MAGI2: variants seen among roughly 807,000 people sequenced by gnomAD.
MAGI2 encodes membrane-associated guanylate kinase, WW and PDZ domain-containing protein 2.
In MAGI2, 35 loss-of-function variants were observed where a neutral mutation model predicts 133.3. The observed-to-expected ratio is 0.26, with a 90% CI of 0.20 to 0.35. The LOEUF (loss-of-function observed/expected upper bound fraction) is 0.35. MAGI2 is among the 10% of genes least tolerant of loss of function. MAGI2 has a pLI of 1.00. For synonymous variants in MAGI2, 729 were observed against 710.6 expected (o/e 1.03, Z -0.41); for missense variants, 1,636 against 1,863.4 (o/e 0.88, Z 2.25).
chr7:78,205,506 G>A (rs1159528337), intron 10 of MAGI2, among the ~76,000 whole-genome samples: 1 of 152,114 alleles, frequency 6.6e-6, no homozygotes, highest in Admixed American at 6.5e-5. Flanking sequence ...TTTGAATTTT[G>A]GAGAAAACAA....
chr7:79,128,393 C>T (rs1039101570), intron 1 of MAGI2, among the ~76,000 whole-genome samples: 18 of 152,178 alleles, frequency 1.2e-4, no homozygotes, highest in African/African-American at 3.9e-4. Flanking sequence ...ACAAGATATA[C>T]TGCTTCAACT....
At chr7:79,158,805 A>G (rs1824066781) in intron 1 of MAGI2, among the ~76,000 whole-genome samples, 1 of 152,062 alleles carries the variant, frequency 6.6e-6, no homozygotes, top group Non-Finnish European at 1.5e-5. Flanking sequence ...AATCAGGTAA[A>G]TGGAATAAAT....
intron 6 of MAGI2, among the ~76,000 whole-genome samples, chr7:78,384,527 G>T (rs1221375420): frequency 6.6e-6 from 1 of 152,086 alleles, no homozygotes; most frequent in Non-Finnish European, 1.5e-5. Flanking sequence ...CATCACAATT[G>T]ATTTAAATAA....
intron 9 of MAGI2, among the ~76,000 whole-genome samples, chr7:78,321,749 C>T (rs911006432): frequency 2.0e-5 from 3 of 152,142 alleles, no homozygotes; most frequent in Non-Finnish European, 2.9e-5. Context: ...GCAATGGCAA[C>T]AAAAGCCCAA....
intron 1 of MAGI2, chr7:79,008,759 C>T (rs1038637549): frequency 3.3e-5 from 5 of 152,138 alleles, no homozygotes; most frequent in Admixed American, 3.3e-4. Context: ...CAACAATTAC[C>T]TATTATTTAC....
intron 10 of MAGI2, among the ~76,000 whole-genome samples, chr7:78,221,301 G>C (rs1788806821): frequency 6.6e-6 from 1 of 152,168 alleles, no homozygotes; most frequent in Admixed American, 6.5e-5. Flanking sequence ...TCTTCCGCCT[G>C]TTGTCCAACT....
intron 2 of MAGI2, among the ~76,000 whole-genome samples, chr7:78,726,724 C>T (rs1279771084): frequency 6.6e-6 from 1 of 151,918 alleles, no homozygotes; most frequent in Admixed American, 6.6e-5. Context: ...TATGCTAGTT[C>T]AGCTTAAATA....
At chr7:78,125,074 C>T (rs1019994429) in intron 20 of MAGI2, among the ~76,000 whole-genome samples, 3 of 152,040 alleles carry the variant, frequency 2.0e-5, no homozygotes, top group Non-Finnish European at 4.4e-5. Context: ...CAGTGTTAGC[C>T]AGGTTGTTCT....
intron 9 of MAGI2, among the ~76,000 whole-genome samples, chr7:78,269,018 G>A (rs1794300617): frequency 6.6e-6 from 1 of 152,144 alleles, no homozygotes; most frequent in African/African-American, 2.4e-5. Flanking sequence ...TCACACTTAT[G>A]AGTGAGAACA....
intron 1 of MAGI2, among the ~76,000 whole-genome samples, chr7:79,441,215 AC>A (rs2129197110): frequency 6.6e-6 from 1 of 152,366 alleles, no homozygotes; most frequent in African/African-American, 2.4e-5. Context: ...GCATTTTGAT[AC>A]TAAGAAAGTT....
At chr7:79,247,276 A>C (rs558479971) in intron 1 of MAGI2, among the ~76,000 whole-genome samples, 4 of 152,300 alleles carry the variant, frequency 2.6e-5, no homozygotes, top group Admixed American at 2.0e-4. Context: ...TGTGATGTGA[A>C]TACTATTCAT....
rs568513314 is a variant in MAGI2, at chr7:78,353,559, C to T, written c.1104-7516G>A. Among the ~76,000 whole-genome samples the T allele has an allele frequency of 2.6e-5, 4 of 152,194 alleles. No homozygotes were observed. The East Asian group carries it at 7.7e-4, about 29-fold the overall frequency. On this transcript the variant is annotated intron_variant, in intron 7 of 21. Coordinates refer to ENST00000354212, the MANE Select transcript of MAGI2 (RefSeq NM_012301.4). ...GTGGTCAGGAAAATATAACACAAGG[C>T]AAAAACTGCTGAAATTTGTATGCAT...
chr7:78,794,649 GT>G (rs1273182053), intron 2 of MAGI2, among the ~76,000 whole-genome samples: 1 of 150,164 alleles, frequency 6.7e-6, no homozygotes, highest in Non-Finnish European at 1.5e-5. Flanking sequence ...TTTAAATGTT[GT>G]TTTTCACGAA....
Position 78,961,616 on chromosome 7 carries a change from G to A in MAGI2, c.418+45474C>T, listed in dbSNP as rs140110315. Among the ~76,000 whole-genome samples, 256 of 152,226 alleles carry A rather than the reference G, an allele frequency of 1.7e-3. 1 individual carries two copies. The highest frequency in any genetic ancestry group is 0.013 in the South Asian group (65 of 4,828). ...ATCCTCATTATAACTGACTTGTACT[G>A]TAATGCCAGCTGAATTTTTTTCATT... On this transcript the variant is annotated intron_variant, in intron 2 of 21. Transcript: ENST00000354212.
At chr7:78,695,690 T>C (rs1280059270) in intron 2 of MAGI2, among the ~76,000 whole-genome samples, 1 of 152,190 alleles carries the variant, frequency 6.6e-6, no homozygotes, top group Non-Finnish European at 1.5e-5. Context: ...AAAACCCATA[T>C]GGTCATCTAA....
intron 2 of MAGI2, among the ~76,000 whole-genome samples, chr7:78,890,750 C>T (rs1373732665): frequency 6.6e-6 from 1 of 152,148 alleles, no homozygotes; most frequent in African/African-American, 2.4e-5. Context: ...AAATTTATAG[C>T]ACTAAATTCC....
At chr7:79,244,759 G>A (rs897867240) in intron 1 of MAGI2, among the ~76,000 whole-genome samples, 10 of 152,148 alleles carry the variant, frequency 6.6e-5, no homozygotes, top group African/African-American at 2.4e-4. Context: ...ATGTGACCTA[G>A]GAAAACACCA....
intron 1 of MAGI2, among the ~76,000 whole-genome samples, chr7:79,345,288 T>C (rs1015301458): frequency 6.6e-6 from 1 of 152,070 alleles, no homozygotes; most frequent in African/African-American, 2.4e-5. Context: ...AGAGATCAAG[T>C]TGATGCTCCC....
chr7:78,162,538 A>G (rs567904634), intron 15 of MAGI2, among the ~76,000 whole-genome samples: 2 of 119,604 alleles, frequency 1.7e-5, no homozygotes, highest in East Asian at 2.9e-4. Flanking sequence ...AAAAAAAAAC[A>G]AAAAACAAAA....
Sources: gnomAD v4.1 joint callset for allele counts (sites outside exome capture counted in the v4.1 genomes callset) on GRCh38, gnomAD v4.1.1 for gene constraint, MANE v1.5 for transcripts, NCBI Gene and HGNC (gene_info 2026-07-23, HGNC 2026-07-21) for gene names.